ACSM1: variants seen among roughly 807,000 people sequenced by gnomAD.
The protein encoded by ACSM1 is acyl-CoA synthetase medium chain family member 1.
ACSM1 carries 79 observed loss-of-function variants against 75.8 expected under a neutral mutation model. The observed-to-expected ratio is 1.04, with a 90% confidence interval of 0.87 to 1.26. The LOEUF is 1.26. Among genes scored for constraint, ACSM1 ranks in the 50% most tolerant of loss-of-function variants. ACSM1 has a pLI of 0.00. For synonymous variants in ACSM1, 279 were observed against 265.8 expected, an observed-to-expected ratio of 1.05 and a Z score of -0.48; for missense variants, 676 against 720.1, an observed-to-expected ratio of 0.94 and a Z score of 0.70.
intron 3 of ACSM1, among the ~76,000 whole-genome samples, chr16:20,683,634 C>T (rs965651254): frequency 1.6e-5 from 2 of 128,676 alleles, no homozygotes; most frequent in East Asian, 2.2e-4. Context: ...GCCCAGAGGG[C>T]TCAGCTCAAG....
At chr16:20,679,333 G>A (rs1324526631) in intron 4 of ACSM1, 1 of 152,220 alleles carries the variant, frequency 6.6e-6, no homozygotes, top group Non-Finnish European at 1.5e-5. Context: ...CCACACTGGA[G>A]GCTGGTCAGT....
Position 20,640,441 on chromosome 16 carries a change from T to C in ACSM1, c.1116+20A>G, listed in dbSNP as rs2017979100. 1 of 1,613,958 alleles carries C rather than the reference T, an allele frequency of 6.2e-7. No individual in the cohort carries two copies. The highest frequency in any genetic ancestry group is 1.3e-5 in the African/African-American group (1 of 74,934). On this transcript the variant is annotated intron_variant, in intron 8 of 13. Coordinates refer to ENST00000520010, the MANE Select transcript of ACSM1 (RefSeq NM_001318890.3). The stretch of plus-strand genomic sequence containing the variant: ...TTAATTGAGACCTGTCTCAGACACT[T>C]TCTGGTTTGCACCACCTACCGTTTC...
chr16:20,657,267 G>GTTGGGTTTGTTTTT (rs532753010), intron 7 of ACSM1, among the ~76,000 whole-genome samples: 1 of 151,796 alleles, frequency 6.6e-6, no homozygotes, highest in Non-Finnish European at 1.5e-5. Context: ...TGGTTCTATT[G>GTTGGGTTTGTTTTT]TTGGGTTTGT....
chr16:20,663,229 G>A (rs1454191050), intron 6 of ACSM1, among the ~76,000 whole-genome samples: 4 of 152,112 alleles, frequency 2.6e-5, no homozygotes, highest in Non-Finnish European at 5.9e-5. Flanking sequence ...AGGTAGCAGA[G>A]CATATTACAT....
Position 20,671,744 on chromosome 16 carries a change from A to T in ACSM1, c.612-73T>A, listed in dbSNP as rs975871732. ...CTTCATCTTCTGGGAATGCAAAAGA[A>T]ACATAAGGCACGGACAGGAAACTGG... On this transcript the variant is annotated intron_variant, in intron 4 of 13. Transcript: ENST00000520010. 13 of 1,425,458 alleles carry T rather than the reference A, an allele frequency of 9.1e-6. No homozygotes were observed. In the African/African-American group the frequency reaches 1.0e-4, roughly 11 times the overall value. The allele number at this position is 1,425,458 out of a possible 1,614,324, so 88.3% of individuals were successfully genotyped here. A position where few individuals can be genotyped will look rare whatever the true frequency, so the allele number is the denominator to read the frequency against.
At chr16:20,656,954 T>C (rs1424359118) in intron 7 of ACSM1, among the ~76,000 whole-genome samples, 1 of 151,432 alleles carries the variant, frequency 6.6e-6, no homozygotes, top group East Asian at 1.9e-4. Flanking sequence ...TCTTCTAAAC[T>C]ATTATGTGTC....
chr16:20,645,691 C>T (rs1011584984), intron 7 of ACSM1, among the ~76,000 whole-genome samples: 1 of 152,178 alleles, frequency 6.6e-6, no homozygotes, highest in Non-Finnish European at 1.5e-5. Context: ...GGAAAGAGAA[C>T]AATTCCCCAC....
chr16:20,628,674 T>C (rs1324778554), intron 10 of ACSM1, among the ~76,000 whole-genome samples: 1 of 152,236 alleles, frequency 6.6e-6, no homozygotes, highest in Non-Finnish European at 1.5e-5. Flanking sequence ...TGTTTAACCA[T>C]TTACCTGTTG....
chr16:20,686,576 G>A (rs1347007270), intron 2 of ACSM1, among the ~76,000 whole-genome samples: 3 of 152,060 alleles, frequency 2.0e-5, no homozygotes, highest in Admixed American at 6.6e-5. Flanking sequence ...ACCATGACAC[G>A]CATATACCTA....
rs145478002 is a variant in ACSM1 at position 20,649,267 on chromosome 16, G to A, written c.993-8683C>T. Among the ~76,000 whole-genome samples, 1,152 of 152,242 alleles carry A rather than the reference G, an allele frequency of 7.6e-3. 19 individuals carry two copies. The highest frequency in any genetic ancestry group is 0.027 in the African/African-American group (1,124 of 41,546). On this transcript the variant is annotated intron_variant, in intron 7 of 13. Coordinates refer to ENST00000520010, the MANE Select transcript of ACSM1 (RefSeq NM_001318890.3). ...CCCTACAAACCATAAATTCTCATCA[G>A]ATGGGTTTTATTTAACCCTTTATAT...
At chr16:20,658,849 G>A (rs966662339) in intron 7 of ACSM1, among the ~76,000 whole-genome samples, 20 of 151,634 alleles carry the variant, frequency 1.3e-4, no homozygotes, top group African/African-American at 2.0e-4. Flanking sequence ...TGTTGGTCCC[G>A]TAATTTCCAA....
intron 10 of ACSM1, among the ~76,000 whole-genome samples, chr16:20,631,276 C>G (rs1266774005): frequency 1.3e-5 from 2 of 152,026 alleles, no homozygotes; most frequent in Non-Finnish European, 2.9e-5. Flanking sequence ...TTTTAAAGGG[C>G]ACTAATATCA....
At chr16:20,673,857 C>T (rs1429617110) in intron 4 of ACSM1, among the ~76,000 whole-genome samples, 1 of 152,182 alleles carries the variant, frequency 6.6e-6, no homozygotes, top group Non-Finnish European at 1.5e-5. Flanking sequence ...CCTGACTTTA[C>T]AAATCTCCTT....
intron 7 of ACSM1, among the ~76,000 whole-genome samples, chr16:20,656,296 TG>T (rs1365854328): frequency 6.6e-6 from 1 of 152,212 alleles, no homozygotes; most frequent in East Asian, 1.9e-4. Context: ...AAATGTTAAG[TG>T]CCTGTCAGAT....
chr16:20,672,474 ATATAT>A (rs2019991409), intron 4 of ACSM1, among the ~76,000 whole-genome samples: 5 of 87,852 alleles, frequency 5.7e-5, no homozygotes, highest in Non-Finnish European at 1.0e-4. Context: ...AAAAAAAAAT[ATATAT>A]ATATATATAT....
chr16:20,697,048 T>A (rs2079693537), intron 1 of ACSM1, among the ~76,000 whole-genome samples: 1 of 152,136 alleles, frequency 6.6e-6, no homozygotes, highest in Non-Finnish European at 1.5e-5. Flanking sequence ...ACCTTTTAAC[T>A]CCCAGCAAAT....
rs1441018323 is a variant in ACSM1 at position 20,623,507 on chromosome 16, T to G, written c.1713A>C (p.Lys571Asn). The change falls in exon 14 of 14, where the codon AAA (lysine) becomes AAC (asparagine). Residue 571 changes from lysine to asparagine, a missense_variant. Transcript: ENST00000520010. ...TGKIERKELR[K>N]KETGQM The stretch of plus-strand genomic sequence containing the variant: ...CCGATTACATCTGACCAGTCTCCTT[T>G]TTCCGAAGTTCCTTCCGTTCAATCT... 3 of 1,614,158 alleles carry G rather than the reference T, an allele frequency of 1.9e-6. No individual in the cohort carries two copies. The highest frequency in any genetic ancestry group is 3.3e-5 in the Admixed American group (2 of 60,026).
Position 20,661,830 on chromosome 16 carries a change from G to A in ACSM1, c.956C>T (p.Ser319Phe). The A allele has an allele frequency of 6.2e-7, 1 of 1,611,092 alleles. No homozygotes were observed. The highest frequency in any genetic ancestry group is 8.5e-7 in the Non-Finnish European group (1 of 1,177,854). ...CTGCTGCAGAATCATTCGATATATAGATGATACCCCCCAAAAGTGGTTAAT... is the reference window on the plus strand; with the variant it reads ...CTGCTGCAGAATCATTCGATATATAAATGATACCCCCCAAAAGTGGTTAAT... ...YPINHFWGVS[S>F]IYRMILQQDF... Residue 319 changes from serine (S) to phenylalanine (F), a missense_variant, in exon 7 of 14, where the codon TCT (serine) becomes TTT (phenylalanine). Coordinates refer to ENST00000520010, the MANE Select transcript of ACSM1 (RefSeq NM_001318890.3).
At chr16:20,647,238 T>C (rs1213289725) in intron 7 of ACSM1, among the ~76,000 whole-genome samples, 4 of 152,184 alleles carry the variant, frequency 2.6e-5, no homozygotes, top group Non-Finnish European at 4.4e-5. Context: ...GACCATGGAA[T>C]GGGAGACTGG....
Sources: gnomAD v4.1 joint callset for allele counts (sites outside exome capture counted in the v4.1 genomes callset) on GRCh38, gnomAD v4.1.1 for gene constraint, MANE v1.5 for transcripts, NCBI Gene and HGNC (gene_info 2026-07-23, HGNC 2026-07-21) for gene names.